The following LITAF variants were observed in gnomAD, a reference collection of about 807,000 sequenced individuals.
LITAF encodes lipopolysaccharide induced TNF factor, also known as lipopolysaccharide-induced tumor necrosis factor-alpha factor.
LITAF carries 9 observed loss-of-function variants against 14.5 expected under a neutral mutation model. The observed-to-expected ratio is 0.62, with a 90% CI of 0.37 to 1.08. The LOEUF (loss-of-function observed/expected upper bound fraction) is 1.08. Among genes scored for constraint, LITAF ranks in the 50% least tolerant of loss-of-function variants. LITAF has a pLI of 0.01. For missense variants in LITAF, 206 were observed against 213.4 expected (o/e 0.97, Z 0.22); for synonymous variants, 98 against 88.2 (o/e 1.11, Z -0.62).
chr16:11,554,512 G>T (rs1045644117), intron 2 of LITAF, among the ~76,000 whole-genome samples: 1 of 152,082 alleles, frequency 6.6e-6, no homozygotes, highest in East Asian at 1.9e-4. Flanking sequence ...GCCGGGCACG[G>T]TGGCTCACAC....
chr16:11,547,758 T>C lies in LITAF; in HGVS notation c.*1879A>G, dbSNP rs760630375. 4.9e-5 allele frequency: 22 copies of C among 453,122 alleles called. No individual in the cohort carries two copies. The highest frequency in any genetic ancestry group is 9.3e-5 in the Non-Finnish European group (21 of 226,116). 28.1% of individuals were successfully genotyped at this position (453,122 alleles called of 1,614,324 possible). A position where few individuals can be genotyped will look rare whatever the true frequency, so the allele number is the denominator to read the frequency against. ...GCATTTTATTAAAACTTGAAAGCTA[T>C]GGCTTGCCGCCATCAATGACGCCTA... is the stretch of plus-strand genomic sequence containing the variant. On this transcript the variant is annotated 3_prime_UTR_variant, in exon 4 of 4. Transcript: ENST00000622633.
Position 11,558,217 on chromosome 16 carries a change from T to C in LITAF, c.-5-1482A>G, listed in dbSNP as rs2064304789. On this transcript the variant is annotated intron_variant, in intron 1 of 3. Transcript: ENST00000622633. This position sits in a 1 kb window ranked among gnomAD's most constrained non-coding sequence, Gnocchi z 4.1. ...GAGTCCTTCTCAGAAGCCCTGCCTC[T>C]AAACCAAGCCCCAAAGAGGAGACTT... 6.6e-6 allele frequency among the ~76,000 whole-genome samples: 1 copy of C among 152,144 alleles called. No individual in the cohort carries two copies.
chr16:11,629,235 C>G (rs192313557), intron 3 of LITAF: 1 of 151,946 alleles, frequency 6.6e-6, no homozygotes, highest in African/African-American at 2.4e-5. Flanking sequence ...CGCAGGACAC[C>G]GAGGACTTTG....
chr16:11,566,490 G>A (rs542895798), intron 1 of LITAF, among the ~76,000 whole-genome samples: 4 of 152,338 alleles, frequency 2.6e-5, no homozygotes, highest in Admixed American at 2.0e-4. Flanking sequence ...CAGGCCAGAC[G>A]TGGTGGCTCA....
intron 3 of LITAF, among the ~76,000 whole-genome samples, chr16:11,627,471 C>T (rs2065090776): frequency 6.6e-6 from 1 of 152,246 alleles, no homozygotes; most frequent in Non-Finnish European, 1.5e-5. Context: ...ATACATTCTG[C>T]AATGGCATAA....
intron 1 of LITAF, chr16:11,561,667 C>T (rs2064367788): frequency 6.6e-6 from 1 of 152,214 alleles, no homozygotes; most frequent in African/African-American, 2.4e-5. Flanking sequence ...AGTCTTCCCT[C>T]CCTCAGGCCC....
At chr16:11,596,573 G>C in intron 1 of LITAF, among the ~76,000 whole-genome samples, 1 of 61,972 alleles carries the variant, frequency 1.6e-5, no homozygotes, top group Non-Finnish European at 3.4e-5. Flanking sequence ...AGGGGAGGAG[G>C]AGGGGGAGAG....
chr16:11,587,869 T>C (rs2064824009), upstream of LITAF, among the ~76,000 whole-genome samples: 1 of 152,150 alleles, frequency 6.6e-6, no homozygotes, highest in Non-Finnish European at 1.5e-5. Context: ...AGAACCATGA[T>C]GTGGCCATCC....
Position 11,556,748 on chromosome 16 carries a change from C to G in LITAF, c.-5-13G>C, listed in dbSNP as rs751268258. ...ACCGACATTTTACCTAAAACAGAAA[C>G]AGAACATACCAGATAAGAAATTCAG... On this transcript the variant is annotated splice_polypyrimidine_tract_variant and intron_variant, in intron 1 of 3. Transcript: ENST00000622633. The G allele has an allele frequency of 1.3e-6, 2 of 1,595,998 alleles. No individual in the cohort carries two copies. Among genetic ancestry groups the G allele is most frequent in the Non-Finnish European group, 1.7e-6 (2 of 1,163,638 alleles).
intron 3 of LITAF, among the ~76,000 whole-genome samples, chr16:11,610,782 C>T (rs1373523660): frequency 6.6e-6 from 1 of 152,142 alleles, no homozygotes; most frequent in Non-Finnish European, 1.5e-5. Context: ...CTCAGACAAC[C>T]ATTCAAGGCA....
chr16:11,550,957 C>G (rs1424428278), intron 3 of LITAF, among the ~76,000 whole-genome samples: 1 of 152,168 alleles, frequency 6.6e-6, no homozygotes, highest in Non-Finnish European at 1.5e-5. Context: ...GTTTTGCCAA[C>G]CCCCGTCTTA....
upstream of LITAF, among the ~76,000 whole-genome samples, chr16:11,601,141 C>A (rs556167744): frequency 1.3e-5 from 2 of 152,094 alleles, no homozygotes; most frequent in Admixed American, 1.3e-4. Flanking sequence ...TCCTTTTGCA[C>A]CTGCCTCCAC....
chr16:11,596,274 C>A (rs1363811185), intron 1 of LITAF, among the ~76,000 whole-genome samples: 1 of 152,056 alleles, frequency 6.6e-6, no homozygotes, highest in East Asian at 1.9e-4. Context: ...TGCTTCAGGG[C>A]AGGGGCCCTG....
chr16:11,552,497 G>A (rs961290955), intron 3 of LITAF, among the ~76,000 whole-genome samples: 5 of 152,020 alleles, frequency 3.3e-5, no homozygotes, highest in African/African-American at 4.8e-5. Flanking sequence ...AGCTTCCCTC[G>A]GGCTCGAGCA....
intron 3 of LITAF, among the ~76,000 whole-genome samples, chr16:11,628,688 T>TC (rs1179465251): frequency 6.6e-6 from 1 of 151,654 alleles, no homozygotes; most frequent in Non-Finnish European, 1.5e-5. Context: ...CTTTTCTTTT[T>TC]TTTTTTGAAA....
chr16:11,606,045 G>A (rs764817132), intron 3 of LITAF, among the ~76,000 whole-genome samples: 31 of 152,112 alleles, frequency 2.0e-4, no homozygotes, highest in Admixed American at 1.8e-3. Context: ...GTGGGCTATT[G>A]CTATCAGACA....
upstream of LITAF, among the ~76,000 whole-genome samples, chr16:11,602,795 A>C (rs1220554029): frequency 6.6e-6 from 1 of 150,974 alleles, no homozygotes; most frequent in Non-Finnish European, 1.5e-5. Context: ...GAAAGCCTTG[A>C]AATGGAAACT....
rs561959745 is a variant in LITAF, at chr16:11,634,455, A to G, written c.-20-818T>C. Among the ~76,000 whole-genome samples the G allele has an allele frequency of 1.3e-4, 20 of 152,336 alleles. No homozygotes were observed. The South Asian group carries it at 4.1e-3, about 32-fold the overall frequency. ...CTAAATTCTGCTAAGGTGTAGACAT[A>G]CATGATTACCAGCCATTATTCCAGA... is the stretch of plus-strand genomic sequence containing the variant. On this transcript the variant is annotated intron_variant, in intron 2 of 3. Coordinates refer to the LITAF transcript ENST00000574848. This position sits in a 1 kb window ranked among gnomAD's most constrained non-coding sequence, Gnocchi z 4.1.
At chr16:11,566,415 A>G (rs557223546) in intron 1 of LITAF, among the ~76,000 whole-genome samples, 12 of 152,324 alleles carry the variant, frequency 7.9e-5, no homozygotes, top group African/African-American at 2.9e-4. Flanking sequence ...AGTTTGTAGA[A>G]AGCAATACCT....
Sources: allele counts gnomAD v4.1 joint callset (sites outside exome capture counted in the v4.1 genomes callset), GRCh38; gene constraint gnomAD v4.1.1; non-coding constraint Gnocchi (gnomAD v3.1); transcripts MANE v1.5; gene names NCBI Gene and HGNC (gene_info 2026-07-23, HGNC 2026-07-21).